The following HSF5 variants were observed in gnomAD, a reference collection of about 807,000 sequenced individuals.
HSF5 encodes the protein heat shock factor protein 5.
In HSF5, 5 loss-of-function variants were observed where a neutral mutation model predicts 50.8. The observed-to-expected ratio is 0.10, with a 90% CI of 0.05 to 0.21. HSF5 has a LOEUF of 0.21. Ranked by LOEUF, HSF5 falls within the 10% of genes least tolerant of loss-of-function variation. The pLI is 1.00. For missense variants in HSF5, 564 were observed against 762.6 expected (o/e 0.74, Z 3.07); for synonymous variants, 307 against 307.4 (o/e 1.00, Z 0.02).
chr17:58,487,428 G>A (rs1975200551), intron 1 of HSF5, among the ~76,000 whole-genome samples: 2 of 152,194 alleles, frequency 1.3e-5, no homozygotes, highest in Non-Finnish European at 2.9e-5. Flanking sequence ...GGTTCAAACC[G>A]GGGACGAGTA....
intron 2 of HSF5, among the ~76,000 whole-genome samples, chr17:58,472,041 G>A (rs1349281894): frequency 6.6e-6 from 1 of 152,062 alleles, no homozygotes; most frequent in African/African-American, 2.4e-5. Flanking sequence ...ATTTTTAGTA[G>A]AGATGGGGTT....
intron 5 of HSF5, among the ~76,000 whole-genome samples, chr17:58,450,205 G>T (rs1254213924): frequency 6.6e-6 from 1 of 150,904 alleles, no homozygotes; most frequent in Non-Finnish European, 1.5e-5. Flanking sequence ...TGGGCTTGGT[G>T]GCGTGTACCT....
intron 5 of HSF5, among the ~76,000 whole-genome samples, chr17:58,433,601 G>T (rs995818787): frequency 6.6e-6 from 1 of 152,182 alleles, no homozygotes; most frequent in South Asian, 2.1e-4. Context: ...AAACTACAGA[G>T]TTGGCCAGTG....
At position 58,473,583 on chromosome 17, in the gene HSF5, T is replaced by G. The variant is rs925298743; in HGVS notation, c.925+6310A>C. ...TAAAGCAAGAATAAAAAGAGTCAAC[T>G]AATGCTGGATCTACAAAATCTTGCC... On this transcript the variant is annotated intron_variant, in intron 2 of 5. Coordinates refer to ENST00000323777, the MANE Select transcript of HSF5 (RefSeq NM_001080439.3). 7.2e-5 allele frequency among the ~76,000 whole-genome samples: 11 copies of G among 152,214 alleles called. No homozygotes were observed. In the East Asian group the frequency reaches 2.1e-3, roughly 29 times the overall value.
At position 58,488,376 on chromosome 17, in the gene HSF5, C is replaced by T; in HGVS notation, c.-102G>A. On this transcript the variant is annotated 5_prime_UTR_variant, in exon 1 of 6. Transcript: ENST00000323777. This position sits in a 1 kb window ranked among gnomAD's most constrained non-coding sequence, Gnocchi z 4.1. The stretch of plus-strand genomic sequence containing the variant: ...TCGCCCTGCCCGCTCCTGCCGGCGC[C>T]CATCCGCCGCGTACCAGGGACCGTT... 1 of 1,330,888 alleles carries T rather than the reference C, an allele frequency of 7.5e-7. No individual in the cohort carries two copies. The highest frequency in any genetic ancestry group is 9.5e-7 in the Non-Finnish European group (1 of 1,047,996). The allele number at this position is 1,330,888 out of a possible 1,614,324, so 82.4% of individuals were successfully genotyped here.
chr17:58,425,931 T>A (rs982121065), intron 5 of HSF5, among the ~76,000 whole-genome samples: 27 of 152,110 alleles, frequency 1.8e-4, no homozygotes, highest in Admixed American at 6.6e-5. Context: ...ATTTAATTGG[T>A]GTGGAATGCA....
intron 5 of HSF5, among the ~76,000 whole-genome samples, chr17:58,453,954 C>T (rs1974674249): frequency 6.6e-6 from 1 of 152,004 alleles, no homozygotes; most frequent in Non-Finnish European, 1.5e-5. Context: ...ATTAGCCAGG[C>T]ATGGTGGCAC....
At chr17:58,443,587 T>C (rs1373955807) in intron 5 of HSF5, among the ~76,000 whole-genome samples, 3 of 152,218 alleles carry the variant, frequency 2.0e-5, no homozygotes, top group Admixed American at 2.0e-4. Flanking sequence ...CAGGAAAGCA[T>C]CTTGTCTCTG....
Position 58,467,019 on chromosome 17 carries a change from T to C in HSF5, c.926-40A>G, listed in dbSNP as rs186493171. On this transcript the variant is annotated intron_variant, in intron 2 of 5. Transcript: ENST00000323777. ...AACACAGAAAAGCCATCAACCACAA[T>C]ACATTTCTATAGCATTCAAGGAGCT... The C allele has an allele frequency of 2.0e-3, 2,583 of 1,287,030 alleles. 72 individuals are homozygous for C. In the Admixed American group the frequency reaches 0.04, roughly 20 times the overall value. The allele number at this position is 1,287,030 out of a possible 1,614,324, so 79.7% of individuals were successfully genotyped here.
intron 5 of HSF5, among the ~76,000 whole-genome samples, chr17:58,424,065 G>A (rs1435922375): frequency 1.3e-5 from 2 of 152,158 alleles, no homozygotes; most frequent in African/African-American, 4.8e-5. Context: ...AGGGATAGGT[G>A]CTTACTCATC....
At chr17:58,451,948 T>TAAAAAA (rs61125428) in intron 5 of HSF5, among the ~76,000 whole-genome samples, 3 of 131,850 alleles carry the variant, frequency 2.3e-5, no homozygotes, top group Non-Finnish European at 3.2e-5. Context: ...AGTTAGACTT[T>TAAAAAA]AAAAAAAAAA....
intron 5 of HSF5, among the ~76,000 whole-genome samples, chr17:58,446,203 CT>C (rs1473764609): frequency 2.6e-5 from 4 of 151,302 alleles, no homozygotes; most frequent in Non-Finnish European, 2.9e-5. Context: ...TTTGAATCCT[CT>C]AGTGATTCTC....
At chr17:58,477,114 T>TAC (rs1975024879) in intron 2 of HSF5, among the ~76,000 whole-genome samples, 1 of 148,338 alleles carries the variant, frequency 6.7e-6, no homozygotes, top group African/African-American at 2.5e-5. Context: ...TATATATATA[T>TAC]ACTTTTTTTT....
chr17:58,448,997 T>C (rs2143759016), intron 5 of HSF5, among the ~76,000 whole-genome samples: 1 of 152,320 alleles, frequency 6.6e-6, no homozygotes, highest in East Asian at 1.9e-4. Flanking sequence ...GGAGTTAGTA[T>C]AGAGTTTAAG....
intron 2 of HSF5, among the ~76,000 whole-genome samples, chr17:58,469,099 A>G (rs78875621): frequency 1.2e-5 from 1 of 80,640 alleles, no homozygotes; most frequent in African/African-American, 3.9e-5. Context: ...TCGGGAAGGG[A>G]AAAAAAAAAA....
intron 5 of HSF5, among the ~76,000 whole-genome samples, chr17:58,446,344 G>T (rs937622945): frequency 6.6e-6 from 1 of 152,104 alleles, no homozygotes; most frequent in Admixed American, 6.6e-5. Context: ...AGAAAGGACA[G>T]TCTCACATTG....
intron 2 of HSF5, among the ~76,000 whole-genome samples, chr17:58,479,424 TCCTGAGTAGCTGGGATTACAGGCGC>T (rs1975069230): frequency 2.0e-5 from 3 of 152,144 alleles, no homozygotes; most frequent in Admixed American, 6.5e-5. Flanking sequence ...TGCCTCAGCC[TCCTGAGTAGCTGGGATTACAGGCGC>T]CTGCCACCGT....
Position 58,462,821 on chromosome 17 carries a change from T to C in HSF5, c.1503A>G (p.Val501=). The change falls in exon 4 of 6, where the codon GTA becomes GTG. Residue 501 remains valine (V), a synonymous_variant. Transcript: ENST00000323777. ...ATGGTGGCCCTTCCTGCACAAATACTACTGAAGATGGAGATGGATTATGAT... is the reference window on the plus strand; with the variant it reads ...ATGGTGGCCCTTCCTGCACAAATACCACTGAAGATGGAGATGGATTATGAT... The part of the protein sequence containing the change: ...HLNHNPSPSS[V]VFVQEGPPFS... 6.2e-7 allele frequency: 1 copy of C among 1,612,884 alleles called. No individual in the cohort carries two copies. Among genetic ancestry groups the C allele is most frequent in the Non-Finnish European group, 8.5e-7 (1 of 1,179,274 alleles).
At chr17:58,480,476 G>A (rs8081247) in intron 1 of HSF5, among the ~76,000 whole-genome samples, 129,731 of 152,166 alleles carry the variant, frequency 0.85, 55,661 homozygotes, top group East Asian at 1. Context: ...TTCTCAGTGC[G>A]ATAGTCATAA....
Sources: allele counts gnomAD v4.1 joint callset (sites outside exome capture counted in the v4.1 genomes callset), GRCh38; gene constraint gnomAD v4.1.1; non-coding constraint Gnocchi (gnomAD v3.1); transcripts MANE v1.5; gene names NCBI Gene and HGNC (gene_info 2026-07-23, HGNC 2026-07-21).